Variants in MYT1L observed in about 807,000 individuals in gnomAD.
MYT1L encodes myelin transcription factor 1 like, also known as myelin transcription factor 1-like protein.
A neutral mutation model predicts 126.7 loss-of-function variants in MYT1L; 12 were observed. The observed-to-expected ratio is 0.09, with a 90% CI of 0.06 to 0.15. The LOEUF is 0.15. MYT1L is among the 10% of genes least tolerant of loss of function. The probability of loss-of-function intolerance (pLI) is 1.00; values close to 1 mark genes in which losing one functional copy is unlikely to be tolerated. For synonymous variants in MYT1L, 541 were observed against 604.2 expected (o/e 0.90, Z 1.53); for missense variants, 979 against 1,585.2 (o/e 0.62, Z 6.49).
chr2:1,871,277 ACGTGTCTC>A (rs1413248287), intron 18 of MYT1L, among the ~76,000 whole-genome samples: 1 of 152,244 alleles, frequency 6.6e-6, no homozygotes, highest in Admixed American at 6.5e-5. Context: ...TGCCAAGATC[ACGTGTCTC>A]CGTGCGCTGA....
At chr2:2,182,528 T>A (rs2148651839) in intron 2 of MYT1L, among the ~76,000 whole-genome samples, 1 of 152,326 alleles carries the variant, frequency 6.6e-6, no homozygotes, top group Non-Finnish European at 1.5e-5. Context: ...TCTCTCATTT[T>A]CAGTCTGTAT....
intron 2 of MYT1L, among the ~76,000 whole-genome samples, chr2:2,192,752 T>G (rs912509346): frequency 3.9e-5 from 6 of 152,090 alleles, no homozygotes; most frequent in African/African-American, 1.4e-4. Context: ...CTGGGAGGAC[T>G]GCAATTGGGG....
intron 21 of MYT1L, among the ~76,000 whole-genome samples, chr2:1,818,452 T>G (rs115174143): frequency 0.032 from 4,925 of 152,334 alleles, 130 homozygotes; most frequent in South Asian, 0.093. Context: ...CTGCTACTAT[T>G]TTAATACTCT....
chr2:2,226,702 C>G (rs895582285), intron 2 of MYT1L, among the ~76,000 whole-genome samples: 2 of 152,140 alleles, frequency 1.3e-5, no homozygotes, highest in African/African-American at 4.8e-5. Flanking sequence ...GCTGCGTTCT[C>G]GGACCTGCCC....
At chr2:2,236,441 G>A (rs1349405333) in intron 2 of MYT1L, among the ~76,000 whole-genome samples, 20 of 61,722 alleles carry the variant, frequency 3.2e-4, no homozygotes, top group East Asian at 5.5e-4. Flanking sequence ...ACCCAACCCA[G>A]ACCAGTACAT....
intron 3 of MYT1L, among the ~76,000 whole-genome samples, chr2:2,142,066 C>T (rs2084064918): frequency 6.6e-6 from 1 of 152,142 alleles, no homozygotes; most frequent in Non-Finnish European, 1.5e-5. Flanking sequence ...CTTCTGTCTA[C>T]CTTTTCTTGA....
chr2:2,071,723 T>G (rs532551935), intron 3 of MYT1L, among the ~76,000 whole-genome samples: 1 of 152,330 alleles, frequency 6.6e-6, no homozygotes, highest in East Asian at 1.9e-4. Context: ...ATAGGTGATA[T>G]AATTTGCATT....
Position 1,935,168 on chromosome 2 carries a change from T to C in MYT1L, c.505+7814A>G, listed in dbSNP as rs115805734. On this transcript the variant is annotated intron_variant, in intron 9 of 24. Transcript: ENST00000647738. Reference sequence around the variant, plus strand: ...CAAATACTTAAAGCCTCCACCTCAGTTTATGACTTCTAATTCTGCCCCCTG... The same window carrying C: ...CAAATACTTAAAGCCTCCACCTCAGCTTATGACTTCTAATTCTGCCCCCTG... 3.9e-3 allele frequency among the ~76,000 whole-genome samples: 596 copies of C among 152,338 alleles called. 8 individuals are homozygous for C. The highest frequency in any genetic ancestry group is 0.014 in the African/African-American group (577 of 41,568).
chr2:1,852,455 A>T lies in MYT1L; in HGVS notation c.2712-752T>A, dbSNP rs535307822. Among the ~76,000 whole-genome samples the T allele has an allele frequency of 6.6e-6, 1 of 152,274 alleles. No individual in the cohort carries two copies. Among genetic ancestry groups the T allele is most frequent in the East Asian group, 1.9e-4 (1 of 5,180 alleles). On this transcript the variant is annotated intron_variant, in intron 18 of 24. Coordinates refer to ENST00000647738, the MANE Select transcript of MYT1L (RefSeq NM_001303052.2). The surrounding 1 kb of genome is among the most constrained non-coding windows in gnomAD (Gnocchi z 4.0). The stretch of plus-strand genomic sequence containing the variant: ...GCAACCCCATCCCGTTTCTTAATTA[A>T]GGTCTTGCTATTTCTCTAATCAGAG...
chr2:1,932,780 G>A (rs1156397058), intron 9 of MYT1L, among the ~76,000 whole-genome samples: 1 of 152,184 alleles, frequency 6.6e-6, no homozygotes, highest in Non-Finnish European at 1.5e-5. Flanking sequence ...AAGGCCCAGG[G>A]TTGTGTGCCT....
intron 1 of MYT1L, among the ~76,000 whole-genome samples, chr2:2,308,608 A>G (rs2095897713): frequency 6.6e-6 from 1 of 151,820 alleles, no homozygotes; most frequent in Non-Finnish European, 1.5e-5. Context: ...CATTATACCC[A>G]TACTCCACTT....
intron 3 of MYT1L, among the ~76,000 whole-genome samples, chr2:2,113,678 A>G (rs1466081686): frequency 2.0e-5 from 3 of 152,342 alleles, no homozygotes; most frequent in Non-Finnish European, 4.4e-5. Context: ...GTTCAAAGTC[A>G]TTGTTTCATT....
chr2:1,823,279 T>C (rs2038820355), intron 21 of MYT1L, among the ~76,000 whole-genome samples: 3 of 152,190 alleles, frequency 2.0e-5, no homozygotes, highest in Admixed American at 6.5e-5. Context: ...GTGAGGGCTG[T>C]TGCTGCTGTT....
intron 21 of MYT1L, among the ~76,000 whole-genome samples, chr2:1,826,408 T>C (rs1409033646): frequency 6.6e-6 from 1 of 152,134 alleles, no homozygotes; most frequent in Non-Finnish European, 1.5e-5. Flanking sequence ...GGAGGGAATC[T>C]TCCTGCAAAA....
chr2:2,079,909 G>C (rs1195780904), intron 3 of MYT1L, among the ~76,000 whole-genome samples: 1 of 152,014 alleles, frequency 6.6e-6, no homozygotes, highest in Non-Finnish European at 1.5e-5. Context: ...AAATAAACAA[G>C]TAAGTGAATA....
chr2:1,833,195 G>C (rs1000236960), intron 21 of MYT1L, among the ~76,000 whole-genome samples: 1 of 152,162 alleles, frequency 6.6e-6, no homozygotes, highest in African/African-American at 2.4e-5. Context: ...TCTGTCCCGT[G>C]GTTGGCCTTG....
chr2:2,159,477 G>C (rs79387207), intron 3 of MYT1L, among the ~76,000 whole-genome samples: 2,527 of 152,000 alleles, frequency 0.017, 71 homozygotes, highest in African/African-American at 0.059. Flanking sequence ...GTGTGGTGTG[G>C]GATCTCGCCT....
In MYT1L at chr2:1,939,886, G is replaced by C. The variant is rs575755817; in HGVS notation, c.505+3096C>G. ...TGGAGACGTCCTTCTCCCAGAGAAA[G>C]CCTTCGTGAGCGTGTCTCCAGGAGT... On this transcript the variant is annotated intron_variant, in intron 9 of 24. Coordinates refer to ENST00000647738, the MANE Select transcript of MYT1L (RefSeq NM_001303052.2). 4.6e-5 allele frequency among the ~76,000 whole-genome samples: 7 copies of C among 152,374 alleles called. No homozygotes were observed. In the South Asian group the frequency reaches 1.0e-3, roughly 23 times the overall value.
intron 21 of MYT1L, among the ~76,000 whole-genome samples, chr2:1,821,427 G>T (rs1051011466): frequency 2.6e-5 from 4 of 151,766 alleles, no homozygotes; most frequent in African/African-American, 9.7e-5. Context: ...TTTTAAAATA[G>T]ATATTCGTGT....
Sources: allele counts gnomAD v4.1 joint callset (sites outside exome capture counted in the v4.1 genomes callset), GRCh38; gene constraint gnomAD v4.1.1; non-coding constraint Gnocchi (gnomAD v3.1); transcripts MANE v1.5; gene names NCBI Gene and HGNC (gene_info 2026-07-23, HGNC 2026-07-21).